PCDHA8: variants seen among roughly 807,000 people sequenced by gnomAD.
PCDHA8 encodes the protein protocadherin alpha 8, also known as protocadherin alpha-8.
In PCDHA8, 53 loss-of-function variants were observed where a neutral mutation model predicts 61.8. The ratio of observed to expected loss-of-function variants is 0.86; its 90% confidence interval spans 0.69 to 1.08. PCDHA8 has a LOEUF of 1.08. Among genes scored for constraint, PCDHA8 ranks in the 50% least tolerant of loss-of-function variants. The pLI, the probability that PCDHA8 is intolerant of heterozygous loss-of-function variation, is 0.00. For missense variants in PCDHA8, 1,293 were observed against 1,245.0 expected (o/e 1.04, Z -0.58); for synonymous variants, 618 against 556.6 (o/e 1.11, Z -1.55).
chr5:140,990,189 A>C (rs2097379694), intron 3 of PCDHA8, among the ~76,000 whole-genome samples: 1 of 152,218 alleles, frequency 6.6e-6, no homozygotes, highest in Non-Finnish European at 1.5e-5. Flanking sequence ...TAAGAACCAA[A>C]TGTGGACCCG....
intron 1 of PCDHA8, among the ~76,000 whole-genome samples, chr5:140,910,519 G>T (rs187918127): frequency 4.6e-5 from 7 of 152,218 alleles, no homozygotes; most frequent in African/African-American, 4.8e-5. Flanking sequence ...AAGGATGCAG[G>T]TACTCCCCTC....
intron 1 of PCDHA8, among the ~76,000 whole-genome samples, chr5:140,910,213 G>A (rs1375224674): frequency 6.6e-6 from 1 of 152,170 alleles, no homozygotes; most frequent in South Asian, 2.1e-4. Context: ...TGACCTGGAA[G>A]TTTTCTGCTT....
intron 1 of PCDHA8, chr5:140,855,790 T>G: frequency 2.3e-6 from 1 of 441,252 alleles, no homozygotes; most frequent in East Asian, 3.4e-5. Context: ...AAAAAAGAAT[T>G]AACATATGAA....
At position 140,849,783 on chromosome 5, in the gene PCDHA8, G is replaced by C. The variant is rs2150449806; in HGVS notation, c.2394+6068G>C. ...CGAGCTGGTGGTTACCGCGCGGGAC[G>C]GGGGCTCGCCTTCACTGTGGGCCAC... On this transcript the variant is annotated intron_variant, in intron 1 of 3. Transcript: ENST00000531613. 832,668 of 1,597,604 alleles carry C rather than the reference G, an allele frequency of 0.52. 253,297 individuals carry two copies. The highest frequency in any genetic ancestry group is 0.62 in the South Asian group (55,951 of 90,512).
At chr5:140,927,248 A>G in intron 1 of PCDHA8, 1 of 1,614,064 alleles carries the variant, frequency 6.2e-7, no homozygotes. Flanking sequence ...GACACCAATG[A>G]CAACTCACCT....
At chr5:140,857,718 A>G in intron 1 of PCDHA8, 1 of 1,597,160 alleles carries the variant, frequency 6.3e-7, no homozygotes, top group Non-Finnish European at 8.6e-7. Context: ...GTGCTGGACG[A>G]GAACGACAAC....
At chr5:140,926,752 C>G in intron 1 of PCDHA8, 2 of 1,254,462 alleles carry the variant, frequency 1.6e-6, no homozygotes, top group East Asian at 5.7e-5. Flanking sequence ...CGTCGGCGGT[C>G]GCTGAGTATC....
intron 3 of PCDHA8, among the ~76,000 whole-genome samples, chr5:140,984,674 G>A (rs2097114009): frequency 6.6e-6 from 1 of 152,090 alleles, no homozygotes; most frequent in Non-Finnish European, 1.5e-5. Context: ...AGGTTTTTAG[G>A]ACTCAATATA....
Position 140,956,487 on chromosome 5 carries a change from C to G in PCDHA8, c.2395-22462C>G, listed in dbSNP as rs2095287981. The stretch of plus-strand genomic sequence containing the variant: ...GCATATGTTGAACCAGTCTTGCATC[C>G]CAGGGATGAAGCCTACTTGATCATG... On this transcript the variant is annotated intron_variant, in intron 1 of 3. Transcript: ENST00000531613. Among the ~76,000 whole-genome samples, 2 of 152,032 alleles carry G rather than the reference C, an allele frequency of 1.3e-5. 1 individual carries two copies. Among genetic ancestry groups the G allele is most frequent in the Admixed American group, 1.3e-4 (2 of 15,252 alleles).
intron 1 of PCDHA8, among the ~76,000 whole-genome samples, chr5:140,941,274 C>T (rs1267060320): frequency 2.7e-3 from 120 of 44,772 alleles, no homozygotes; most frequent in African/African-American, 7.9e-3. Flanking sequence ...TCTTTCTTTC[C>T]TTCCTTCCTT....
At chr5:140,892,666 A>G (rs2063614919) in intron 1 of PCDHA8, among the ~76,000 whole-genome samples, 1 of 152,170 alleles carries the variant, frequency 6.6e-6, no homozygotes, top group Admixed American at 6.6e-5. Flanking sequence ...TGACATTTTG[A>G]TACATATATA....
chr5:140,993,819 G>A (rs2097583362), intron 3 of PCDHA8, among the ~76,000 whole-genome samples: 1 of 152,142 alleles, frequency 6.6e-6, no homozygotes, highest in Non-Finnish European at 1.5e-5. Context: ...AGGAGCAATA[G>A]GCTATACCAT....
intron 1 of PCDHA8, chr5:140,871,485 C>T (rs1554165663): frequency 8.2e-6 from 13 of 1,593,104 alleles, no homozygotes; most frequent in Admixed American, 1.8e-5. Context: ...GGTCAAATCA[C>T]CCCGGACAGG....
intron 1 of PCDHA8, chr5:140,857,354 G>T (rs1449369579): frequency 6.3e-7 from 1 of 1,598,378 alleles, no homozygotes. Context: ...TCCGCTGTGG[G>T]CCACGGCCAG....
chr5:140,944,182 G>GTTTGT (rs750577669), intron 1 of PCDHA8, among the ~76,000 whole-genome samples: 5 of 152,052 alleles, frequency 3.3e-5, no homozygotes, highest in East Asian at 1.9e-4. Flanking sequence ...TTTTTTGTTG[G>GTTTGT]TTTGTTTTGT....
intron 1 of PCDHA8, chr5:140,875,308 A>G (rs757619394): frequency 2.7e-5 from 39 of 1,423,476 alleles, no homozygotes; most frequent in Non-Finnish European, 3.4e-5. Flanking sequence ...CTCCGCACCC[A>G]CATTCCAATC....
At chr5:140,877,663 C>G in intron 1 of PCDHA8, 4 of 1,613,552 alleles carry the variant, frequency 2.5e-6, no homozygotes, top group Non-Finnish European at 3.4e-6. Context: ...CACCGTGAGC[C>G]GGTGCGCGCC....
chr5:141,005,701 CAAAAAAAAAAAA>C (rs59860837), intron 3 of PCDHA8, among the ~76,000 whole-genome samples: 139 of 7,794 alleles, frequency 0.018, no homozygotes, highest in African/African-American at 0.055. Context: ...AACTCCGTCT[CAAAAAAAAAAAA>C]AAAAAAAAAA....
intron 1 of PCDHA8, among the ~76,000 whole-genome samples, chr5:140,908,412 T>G (rs2073956005): frequency 6.6e-6 from 1 of 152,212 alleles, no homozygotes; most frequent in South Asian, 2.1e-4. Context: ...TTCCATTTGA[T>G]GATGGAATGC....
Sources: gnomAD v4.1 joint callset for allele counts (sites outside exome capture counted in the v4.1 genomes callset) on GRCh38, gnomAD v4.1.1 for gene constraint, MANE v1.5 for transcripts, NCBI Gene and HGNC (gene_info 2026-07-23, HGNC 2026-07-21) for gene names.